The following GTF2I variants were observed in gnomAD, a reference collection of about 807,000 sequenced individuals.
The protein encoded by GTF2I is general transcription factor II-I.
A neutral mutation model predicts 67.6 loss-of-function variants in GTF2I; 12 were observed. The ratio of observed to expected loss-of-function variants is 0.18; its 90% CI spans 0.11 to 0.29. The LOEUF is 0.29. Ranked by LOEUF, GTF2I falls within the 10% of genes least tolerant of loss-of-function variation. The pLI is 1.00. For synonymous variants in GTF2I, 149 were observed against 197.0 expected, an observed-to-expected ratio of 0.76 and a Z score of 2.04; for missense variants, 271 against 580.1, an observed-to-expected ratio of 0.47 and a Z score of 5.47.
chr7:74,664,556 C>G (rs1804804477), intron 1 of GTF2I, among the ~76,000 whole-genome samples: 1 of 152,140 alleles, frequency 6.6e-6, no homozygotes, highest in South Asian at 2.1e-4. Flanking sequence ...GCCTCAGTCT[C>G]CTGAGTAGCT....
rs371226781 is a variant in GTF2I at position 74,705,112 on chromosome 7, T to C, written c.587-52T>C. ...TCTATATTTAAAGCCTTTAGACATA[T>C]TATATTTGAAATGTTGAAAAACTAA... On this transcript the variant is annotated intron_variant, in intron 6 of 34. Coordinates refer to ENST00000573035, the MANE Select transcript of GTF2I (RefSeq NM_032999.4). The C allele has an allele frequency of 3.4e-4, 363 of 1,069,626 alleles. 1 individual carries two copies. The highest frequency in any genetic ancestry group is 9.4e-5 in the East Asian group (4 of 42,542). 66.3% of individuals were successfully genotyped at this position (1,069,626 alleles called of 1,614,324 possible).
chr7:74,700,503 G>A, intron 5 of GTF2I, 73 bp downstream of exon 5: 12 of 1,598,216 alleles, frequency 7.5e-6, no homozygotes, highest in Middle Eastern at 3.3e-4. Context: ...TTACGTTAAT[G>A]TATTTTTAAA....
Position 74,691,012 on chromosome 7 carries a change from A to G in GTF2I, c.139A>G (p.Ile47Val), listed in dbSNP as rs1554396888. ...CAAGTCCAAAGCCGAAGTGGCCTGC[A>G]TTGCAGTGTATGAAACAGACGTGTT... is the stretch of plus-strand genomic sequence containing the variant. ...LAKSKAEVAC[I>V]AVYETDVFVV... is the part of the protein sequence containing the mutation. Residue 47 changes from isoleucine to valine, a missense_variant, in exon 3 of 35, where the codon ATT (isoleucine) becomes GTT (valine). This residue lies in a region of GTF2I where 10 missense variants were observed against 44.0 expected (regional missense o/e 0.23). Transcript: ENST00000573035. 9 of 1,613,546 alleles carry G rather than the reference A, an allele frequency of 5.6e-6. No individual in the cohort carries two copies. In the South Asian group the frequency reaches 9.9e-5, roughly 18 times the overall value.
chr7:74,686,866 G>A (rs1787784129), intron 1 of GTF2I, among the ~76,000 whole-genome samples: 1 of 151,854 alleles, frequency 6.6e-6, no homozygotes, highest in African/African-American at 2.4e-5. Context: ...CAAATATATG[G>A]GGATAAGTGT....
At chr7:74,667,330 A>G (rs1805068200) in intron 1 of GTF2I, among the ~76,000 whole-genome samples, 1 of 152,070 alleles carries the variant, frequency 6.6e-6, no homozygotes, top group Non-Finnish European at 1.5e-5. Context: ...GCGACAGAGC[A>G]AGACACCATC....
At chr7:74,663,498 G>A (rs1804696836) in intron 1 of GTF2I, among the ~76,000 whole-genome samples, 1 of 152,112 alleles carries the variant, frequency 6.6e-6, no homozygotes. Context: ...ATGTTAGCCA[G>A]GCTGGTGGTC....
At chr7:74,659,394 AT>A (rs782262816) in intron 1 of GTF2I, among the ~76,000 whole-genome samples, 148 of 144,752 alleles carry the variant, frequency 1.0e-3, no homozygotes, top group Admixed American at 1.1e-3. Context: ...TGCCCTGCTA[AT>A]TTTTTTTTTT....
At chr7:74,704,855 T>TAAAA (rs35715710) in intron 6 of GTF2I, among the ~76,000 whole-genome samples, 1 of 76,978 alleles carries the variant, frequency 1.3e-5, no homozygotes, top group Non-Finnish European at 2.3e-5. Flanking sequence ...ACCCTGTTTC[T>TAAAA]AAAAAAAAAA....
At chr7:74,699,479 T>C (rs1042042396) in intron 4 of GTF2I, 2 of 153,016 alleles carry the variant, frequency 1.3e-5, no homozygotes. Flanking sequence ...TAAATTTTAG[T>C]AGAGATGGGG....
chr7:74,706,704 T>C (rs1584221903), intron 8 of GTF2I, among the ~76,000 whole-genome samples: 1 of 152,164 alleles, frequency 6.6e-6, no homozygotes. Flanking sequence ...AGACATATAA[T>C]GTAAGAGGTC....
chr7:74,667,022 G>A (rs587605780), intron 1 of GTF2I, among the ~76,000 whole-genome samples: 5 of 152,010 alleles, frequency 3.3e-5, no homozygotes, highest in African/African-American at 9.7e-5. Context: ...GTGCGCACCT[G>A]TAATCCCAGA....
intron 1 of GTF2I, among the ~76,000 whole-genome samples, chr7:74,661,887 C>T (rs1804530088): frequency 6.6e-6 from 1 of 151,964 alleles, no homozygotes. Context: ...TGGCTTTTTT[C>T]CCACTCTGAT....
At chr7:74,671,475 G>C (rs1470725547) in intron 1 of GTF2I, among the ~76,000 whole-genome samples, 3 of 139,698 alleles carry the variant, frequency 2.1e-5, no homozygotes, top group African/African-American at 7.8e-5. Context: ...GAAGTGTCTT[G>C]TTTTTTTTTT....
At chr7:74,661,688 T>A (rs1554386660) in intron 1 of GTF2I, among the ~76,000 whole-genome samples, 1 of 151,086 alleles carries the variant, frequency 6.6e-6, no homozygotes, top group Non-Finnish European at 1.5e-5. Context: ...TCAAAAAAAA[T>A]AAAAATAAAA....
Position 74,705,161 on chromosome 7 carries a change from T to G in GTF2I, c.587-3T>G. ...AACTCCAATTTTTTTTTTTTGTATG[T>G]AGGTGGTCGTGTGATGGTAACAGAT... On this transcript the variant is annotated splice_region_variant and splice_polypyrimidine_tract_variant and intron_variant, in intron 6 of 34. Transcript: ENST00000573035. 1 of 1,591,094 alleles carries G rather than the reference T, an allele frequency of 6.3e-7. No individual in the cohort carries two copies. The highest frequency in any genetic ancestry group is 1.1e-5 in the South Asian group (1 of 90,592).
At chr7:74,718,552 A>G (rs782051280) in intron 11 of GTF2I, among the ~76,000 whole-genome samples, 3 of 152,250 alleles carry the variant, frequency 2.0e-5, no homozygotes, top group Non-Finnish European at 4.4e-5. Flanking sequence ...ATTTGTTTCT[A>G]TCCGAGCATC....
chr7:74,695,369 C>A (rs1319856869), intron 3 of GTF2I, among the ~76,000 whole-genome samples: 1 of 152,144 alleles, frequency 6.6e-6, no homozygotes, highest in Non-Finnish European at 1.5e-5. Flanking sequence ...TACAGAGAGA[C>A]CTTTCATGAA....
rs1422438779 is a variant in GTF2I, at chr7:74,690,654, A to G, written c.100-319A>G. On this transcript the variant is annotated intron_variant, in intron 2 of 34. Coordinates refer to ENST00000573035, the MANE Select transcript of GTF2I (RefSeq NM_032999.4). ...CCAGCTCCCAGCTCTGGGTGCAGCT[A>G]CATCAGTGTTCAGTGCTTCGTCTGT... 4.6e-5 allele frequency among the ~76,000 whole-genome samples: 7 copies of G among 152,264 alleles called. No individual in the cohort carries two copies. In the East Asian group the frequency reaches 5.8e-4, roughly 13 times the overall value.
chr7:74,669,705 G>A (rs1190021391), intron 1 of GTF2I, among the ~76,000 whole-genome samples: 1 of 151,790 alleles, frequency 6.6e-6, no homozygotes, highest in African/African-American at 2.4e-5. Context: ...AGCAATTTTT[G>A]TATTATTAGT....
Sources: gnomAD v4.1 joint callset for allele counts (sites outside exome capture counted in the v4.1 genomes callset) on GRCh38, gnomAD v4.1.1 for gene constraint, gnomAD v4.1.1 regional missense constraint, MANE v1.5 for transcripts, NCBI Gene and HGNC (gene_info 2026-07-23, HGNC 2026-07-21) for gene names.